The following KANSL1 variants were observed in gnomAD, a reference collection of about 807,000 sequenced individuals.
KANSL1 encodes MLL1/MLL complex subunit KANSL1.
KANSL1 carries 22 observed loss-of-function variants against 103.6 expected under a neutral mutation model. The ratio of observed to expected loss-of-function variants is 0.21; its 90% CI spans 0.15 to 0.30. The LOEUF (loss-of-function observed/expected upper bound fraction) is 0.30. Ranked by LOEUF, KANSL1 falls within the 10% of genes least tolerant of loss-of-function variation. KANSL1 has a pLI of 1.00. For synonymous variants in KANSL1, 600 were observed against 527.6 expected (o/e 1.14, Z -1.88); for missense variants, 1,337 against 1,399.8 (o/e 0.96, Z 0.72).
chr17:46,106,459 C>G (rs1414800835), intron 2 of KANSL1, among the ~76,000 whole-genome samples: 1 of 152,190 alleles, frequency 6.6e-6, no homozygotes, highest in Non-Finnish European at 1.5e-5. Context: ...GTGGTGCGAT[C>G]TCGGCTCACT....
chr17:46,104,277 A>G (rs2042438983), intron 2 of KANSL1, among the ~76,000 whole-genome samples: 1 of 152,228 alleles, frequency 6.6e-6, no homozygotes, highest in Non-Finnish European at 1.5e-5. Flanking sequence ...AATAAAAGAA[A>G]TGTAATTGTT....
At chr17:46,134,817 CCTGGGCAACAGAGTGAGA>C in intron 2 of KANSL1, among the ~76,000 whole-genome samples, 1 of 152,054 alleles carries the variant, frequency 6.6e-6, no homozygotes, top group Non-Finnish European at 1.5e-5. Flanking sequence ...TGCACTCCAG[CCTGGGCAACAGAGTGAGA>C]CTCGGTCTCC....
chr17:46,074,205 G>A (rs928408640), intron 4 of KANSL1, among the ~76,000 whole-genome samples: 5 of 152,112 alleles, frequency 3.3e-5, no homozygotes, highest in South Asian at 2.1e-4. Context: ...AAATATAAGC[G>A]GTACATGCTA....
At chr17:46,209,500 T>C (rs1165173827) in intron 1 of KANSL1, among the ~76,000 whole-genome samples, 1 of 152,152 alleles carries the variant, frequency 6.6e-6, no homozygotes, top group Non-Finnish European at 1.5e-5. Context: ...GGTTTTTTGT[T>C]GTTGTTTTTT....
At chr17:46,128,269 C>T (rs2043672672) in intron 2 of KANSL1, among the ~76,000 whole-genome samples, 1 of 152,206 alleles carries the variant, frequency 6.6e-6, no homozygotes, top group Non-Finnish European at 1.5e-5. Flanking sequence ...CAATGATAGG[C>T]CCTCTCACAG....
chr17:46,222,912 ACTTAAGT>A (rs1377407374), intron 1 of KANSL1: 1 of 151,486 alleles, frequency 6.6e-6, no homozygotes, highest in East Asian at 1.9e-4. Context: ...GAAGCCACCT[ACTTAAGT>A]CTTAAGCTCT....
At chr17:46,158,149 T>C (rs1469188281) in intron 2 of KANSL1, among the ~76,000 whole-genome samples, 2 of 152,242 alleles carry the variant, frequency 1.3e-5, no homozygotes, top group Non-Finnish European at 1.5e-5. Flanking sequence ...GCCTTTGACA[T>C]TTGACGGTGC....
chr17:46,188,937 G>T (rs1028847552), intron 1 of KANSL1, among the ~76,000 whole-genome samples: 1 of 145,798 alleles, frequency 6.9e-6, no homozygotes, highest in Admixed American at 6.9e-5. Context: ...GGAGGCTGAG[G>T]TAGGAGAATC....
chr17:46,074,514 T>C (rs995059938), intron 4 of KANSL1, among the ~76,000 whole-genome samples: 1 of 151,978 alleles, frequency 6.6e-6, no homozygotes, highest in African/African-American at 2.4e-5. Context: ...TGAGTAAAAA[T>C]ATAATGAGCA....
Position 46,171,402 on chromosome 17 carries a change from A to C in KANSL1, c.742T>G (p.Leu248Val), listed in dbSNP as rs2046280282. 1 of 1,613,968 alleles carries C rather than the reference A, an allele frequency of 6.2e-7. No individual in the cohort carries two copies. Among genetic ancestry groups the C allele is most frequent in the Non-Finnish European group, 8.5e-7 (1 of 1,180,024 alleles). Residue 248 changes from leucine (L) to valine (V), a missense_variant, in exon 2 of 15, where the codon TTA becomes GTA. Physicochemically the swap from Leu to Val is conservative, Grantham distance 32 (BLOSUM62 1). Around this residue, in one of 2 missense-constraint regions of KANSL1, gnomAD observed 557 missense variants for 476.4 expected, o/e 1.17. Coordinates refer to ENST00000432791, the MANE Select transcript of KANSL1 (RefSeq NM_015443.4). ...GAGCTGGAGTCTGTACCAGGTGATAATCTACTGCTTCCTTGAAGTGCCGGC... is the reference window on the plus strand; with the variant it reads ...GAGCTGGAGTCTGTACCAGGTGATACTCTACTGCTTCCTTGAAGTGCCGGC... The part of the protein sequence containing the change: ...EQPALQGSSR[L>V]SPGTDSSSNL...
intron 1 of KANSL1, among the ~76,000 whole-genome samples, chr17:46,179,836 A>G (rs2046697325): frequency 6.6e-6 from 1 of 152,236 alleles, no homozygotes; most frequent in Non-Finnish European, 1.5e-5. Context: ...TGGGAGGCTG[A>G]GGCGGGTAGA....
At chr17:46,135,542 A>T (rs1009198435) in intron 2 of KANSL1, among the ~76,000 whole-genome samples, 35 of 119,066 alleles carry the variant, frequency 2.9e-4, no homozygotes, top group South Asian at 5.4e-4. Flanking sequence ...TCAACTATAC[A>T]TTTTTTTTTT....
intron 1 of KANSL1, among the ~76,000 whole-genome samples, chr17:46,174,704 T>C (rs1331645480): frequency 6.6e-6 from 1 of 152,222 alleles, no homozygotes; most frequent in East Asian, 1.9e-4. Context: ...AAACAGGGTC[T>C]AGCTCTGTCA....
At chr17:46,032,576 T>G in intron 13 of KANSL1, 1 of 405,604 alleles carries the variant, frequency 2.5e-6, no homozygotes, top group Non-Finnish European at 4.4e-6. Flanking sequence ...CGTGTAGACT[T>G]TGAAAACTGT....
At chr17:46,150,165 T>C (rs17662115) in intron 2 of KANSL1, among the ~76,000 whole-genome samples, 21,840 of 151,102 alleles carry the variant, frequency 0.14, 2,146 homozygotes, top group Non-Finnish European at 0.22. Context: ...TTCCTTTTTC[T>C]CATACTAGAT....
intron 2 of KANSL1, among the ~76,000 whole-genome samples, chr17:46,098,186 A>G (rs1312440258): frequency 6.7e-6 from 1 of 150,128 alleles, no homozygotes; most frequent in African/African-American, 2.5e-5. Flanking sequence ...CCACAAAGAG[A>G]CAAAACTAGT....
intron 1 of KANSL1, chr17:46,222,146 G>A (rs1395129768): frequency 1.3e-5 from 2 of 149,442 alleles, no homozygotes; most frequent in Non-Finnish European, 3.0e-5. Flanking sequence ...AGTAACAGGT[G>A]GTAACTCACG....
intron 1 of KANSL1, among the ~76,000 whole-genome samples, chr17:46,201,702 T>C (rs960373438): frequency 1.3e-5 from 2 of 149,380 alleles, no homozygotes. Context: ...TGAGACCCTA[T>C]CTCTGAAAAA....
intron 14 of KANSL1, 144 bp from the exon 15 acceptor site, chr17:46,031,847 G>C (rs2077017498): frequency 9.7e-7 from 1 of 1,029,784 alleles, no homozygotes; most frequent in African/African-American, 1.6e-5. Context: ...ACCCCTCCTA[G>C]GGTATACCCA....
Sources: allele counts gnomAD v4.1 joint callset (sites outside exome capture counted in the v4.1 genomes callset), GRCh38; gene constraint gnomAD v4.1.1; regional missense constraint gnomAD v4.1.1; transcripts MANE v1.5; gene names NCBI Gene and HGNC (gene_info 2026-07-23, HGNC 2026-07-21).